KHDRBS1: variants seen among roughly 807,000 people sequenced by gnomAD.
The protein encoded by KHDRBS1 is KH domain-containing, RNA-binding, signal transduction-associated protein 1.
A neutral mutation model predicts 48.4 loss-of-function variants in KHDRBS1; 7 were observed. That is an observed-to-expected ratio of 0.14 (90% CI 0.08 to 0.27). KHDRBS1 has a LOEUF of 0.27. Ranked by LOEUF, KHDRBS1 falls within the 10% of genes least tolerant of loss-of-function variation. The pLI is 1.00. For synonymous variants in KHDRBS1, 241 were observed against 235.8 expected (o/e 1.02, Z -0.20); for missense variants, 458 against 601.2 (o/e 0.76, Z 2.49).
At chr1:32,050,208 A>G (rs922436704) in intron 10 of KHDRBS1, among the ~76,000 whole-genome samples, 16 of 152,166 alleles carry the variant, frequency 1.1e-4, no homozygotes, top group Non-Finnish European at 2.1e-4. Flanking sequence ...AAAAATGTCT[A>G]TCTAAATACT....
At chr1:32,028,500 CTTTTT>C (rs1235962364) in intron 1 of KHDRBS1, among the ~76,000 whole-genome samples, 1 of 123,348 alleles carries the variant, frequency 8.1e-6, no homozygotes, top group African/African-American at 3.4e-5. Context: ...ACTATATATA[CTTTTT>C]TTTTTTTTTT....
rs370076448 is a variant in KHDRBS1, at chr1:32,014,346, C to G, written c.351C>G (p.Ser117=). The G allele has an allele frequency of 1.4e-5, 22 of 1,527,564 alleles. No homozygotes were observed. The highest frequency in any genetic ancestry group is 1.8e-5 in the Non-Finnish European group (20 of 1,130,604). 94.6% of individuals were successfully genotyped at this position (1,527,564 alleles called of 1,614,324 possible). A position where few individuals can be genotyped will look rare whatever the true frequency, so the allele number is the denominator to read the frequency against. Residue 117 remains serine (S), a synonymous_variant, in exon 1 of 9, where the codon TCC becomes TCG. Transcript: ENST00000327300. ...CCGAGAAGGACTCGCTCGACCCGTC[C>G]TTCACTCACGCCATGCAGCTGCTGA... ...LMAEKDSLDP[S]FTHAMQLLTA...
At chr1:32,042,058 C>T (rs1176130171) in intron 8 of KHDRBS1, among the ~76,000 whole-genome samples, 9 of 152,186 alleles carry the variant, frequency 5.9e-5, no homozygotes, top group Non-Finnish European at 1.5e-5. Flanking sequence ...CTTGCTGTTG[C>T]ATGGAAGTGG....
At chr1:32,023,978 G>A (rs1406274131) in intron 1 of KHDRBS1, among the ~76,000 whole-genome samples, 2 of 152,220 alleles carry the variant, frequency 1.3e-5, no homozygotes, top group Non-Finnish European at 2.9e-5. Flanking sequence ...GAGGCCTGGC[G>A]CGGTGGCTCA....
chr1:32,028,344 G>A (rs963709658), intron 1 of KHDRBS1, among the ~76,000 whole-genome samples: 4 of 151,734 alleles, frequency 2.6e-5, no homozygotes. Flanking sequence ...CTAGGTGATT[G>A]TGATGCATGA....
chr1:32,035,524 G>A (rs1162469518), intron 4 of KHDRBS1, among the ~76,000 whole-genome samples: 3 of 152,214 alleles, frequency 2.0e-5, no homozygotes, highest in African/African-American at 7.2e-5. Context: ...CCCTCTTGTG[G>A]AGGAAAGAAA....
rs1289637066 is a variant in KHDRBS1, at chr1:32,060,192, C to G, written n.1331C>G. On this transcript the variant is annotated non_coding_transcript_exon_variant, in exon 11 of 11. Transcript: ENST00000484270. Reference sequence around the variant, plus strand: ...CAGAGGACTCCTGAAACCTGGAGAGCTACCTGCTGTATAAAGGCTGGCCTG... The same window carrying G: ...CAGAGGACTCCTGAAACCTGGAGAGGTACCTGCTGTATAAAGGCTGGCCTG... The G allele has an allele frequency of 3.3e-5, 5 of 152,198 alleles. 1 individual carries two copies. The South Asian group carries it at 1.0e-3, about 32-fold the overall frequency. The allele number at this position is 152,198 out of a possible 1,614,324, so 9.4% of individuals were successfully genotyped here.
At chr1:32,037,079 A>C in intron 5 of KHDRBS1, 36 bp downstream of exon 5, 1 of 1,607,166 alleles carries the variant, frequency 6.2e-7, no homozygotes, top group East Asian at 2.2e-5. Context: ...ATAGGATGTG[A>C]ATTTGACTAC....
intron 1 of KHDRBS1, among the ~76,000 whole-genome samples, chr1:32,020,234 T>G (rs1251519050): frequency 6.6e-6 from 1 of 150,820 alleles, no homozygotes; most frequent in East Asian, 1.9e-4. Flanking sequence ...AATTTAAAAA[T>G]TAGCTGAGAA....
downstream of KHDRBS1, among the ~76,000 whole-genome samples, chr1:32,046,815 T>C (rs968205504): frequency 6.6e-6 from 1 of 152,148 alleles, no homozygotes; most frequent in Non-Finnish European, 1.5e-5. Flanking sequence ...CCTCTCAGCC[T>C]GTGAGAGATC....
chr1:32,048,368 G>A (rs1403948856), downstream of KHDRBS1, among the ~76,000 whole-genome samples: 1 of 152,122 alleles, frequency 6.6e-6, no homozygotes, highest in Non-Finnish European at 1.5e-5. Context: ...GCATTAGCTG[G>A]GCATGATGGC....
downstream of KHDRBS1, among the ~76,000 whole-genome samples, chr1:32,044,381 A>C (rs1639333261): frequency 6.6e-6 from 1 of 152,186 alleles, no homozygotes; most frequent in African/African-American, 2.4e-5. Context: ...AATGCTGATA[A>C]CTCAGCTGGG....
chr1:32,037,054 T>C lies in KHDRBS1; in HGVS notation c.905+11T>C. The C allele has an allele frequency of 6.2e-7, 1 of 1,612,438 alleles. No homozygotes were observed. The highest frequency in any genetic ancestry group is 8.5e-7 in the Non-Finnish European group (1 of 1,179,308). On this transcript the variant is annotated intron_variant, in intron 5 of 8. Transcript: ENST00000327300. ...ACCACCTGTTCCCAGGTAAAAATAA[T>C]GGAGACACCCAGAAATAGGATGTGA...
chr1:32,049,665 T>A (rs1396311049), intron 10 of KHDRBS1, among the ~76,000 whole-genome samples: 1 of 150,566 alleles, frequency 6.6e-6, no homozygotes, highest in Non-Finnish European at 1.5e-5. Flanking sequence ...TTTTATTTTT[T>A]ATTTTTTTTT....
At position 32,013,932 on chromosome 1, in the gene KHDRBS1, C is replaced by A. The variant is rs1423302736; in HGVS notation, c.-64C>A. On this transcript the variant is annotated 5_prime_UTR_variant, in exon 1 of 9. Coordinates refer to ENST00000327300, the MANE Select transcript of KHDRBS1 (RefSeq NM_006559.3). ...CTCCCGCTCTGCCACCCCCGCCAAC[C>A]GCCGCTCGGGCCTCCGTCGCTGCCG... 2 of 1,345,104 alleles carry A rather than the reference C, an allele frequency of 1.5e-6. No homozygotes were observed. Among genetic ancestry groups the A allele is most frequent in the South Asian group, 1.7e-5 (1 of 57,290 alleles). The allele number at this position is 1,345,104 out of a possible 1,614,324, so 83.3% of individuals were successfully genotyped here.
chr1:32,027,404 C>T (rs753723362), intron 1 of KHDRBS1, among the ~76,000 whole-genome samples: 33 of 152,106 alleles, frequency 2.2e-4, no homozygotes, highest in Non-Finnish European at 4.1e-4. Flanking sequence ...AGTATATTAG[C>T]AGTAGGGGAA....
Position 32,042,624 on chromosome 1 carries a change from A to G in KHDRBS1, c.1332A>G (p.Ter444=), listed in dbSNP as rs1350372930. The part of the protein sequence containing the change: ...AYREHPYGRY[*] ...GAGAGCACCCATATGGACGTTATTAAAAACAAACATGAGGGGAAAATATCA... is the reference window on the plus strand; with the variant it reads ...GAGAGCACCCATATGGACGTTATTAGAAACAAACATGAGGGGAAAATATCA... Residue 444 remains the stop codon, a stop_retained_variant, in exon 9 of 9, where the codon TAA becomes TAG. Coordinates refer to ENST00000327300, the MANE Select transcript of KHDRBS1 (RefSeq NM_006559.3). The G allele has an allele frequency of 6.3e-7, 1 of 1,579,522 alleles. No individual in the cohort carries two copies. Among genetic ancestry groups the G allele is most frequent in the Admixed American group, 1.7e-5 (1 of 59,892 alleles).
At chr1:32,048,490 G>A (rs1487770517), downstream of KHDRBS1, among the ~76,000 whole-genome samples, 1 of 152,156 alleles carries the variant, frequency 6.6e-6, no homozygotes, top group African/African-American at 2.4e-5. Context: ...AGCCCGGGTA[G>A]AAAGTTTTTA....
chr1:32,052,160 G>A (rs1397237135), intron 10 of KHDRBS1: 1 of 152,170 alleles, frequency 6.6e-6, no homozygotes, highest in Admixed American at 6.5e-5. Context: ...ACTAGAAGAG[G>A]TGAGGTAATT....
Sources: allele counts gnomAD v4.1 joint callset (sites outside exome capture counted in the v4.1 genomes callset), GRCh38; gene constraint gnomAD v4.1.1; transcripts MANE v1.5; gene names NCBI Gene and HGNC (gene_info 2026-07-23, HGNC 2026-07-21).